Variants in CADPS observed in about 807,000 individuals in gnomAD.
CADPS encodes the protein calcium dependent secretion activator.
A neutral mutation model predicts 167.3 loss-of-function variants in CADPS; 57 were observed. That is an observed-to-expected ratio of 0.34 (90% CI 0.28 to 0.42). CADPS has a LOEUF of 0.42. Ranked by LOEUF, CADPS falls within the 20% of genes least tolerant of loss-of-function variation. CADPS has a pLI of 1.00. For synonymous variants in CADPS, 676 were observed against 635.3 expected (o/e 1.06, Z -0.96); for missense variants, 1,414 against 1,738.1 (o/e 0.81, Z 3.32).
chr3:62,687,903 T>C (rs760765449), intron 3 of CADPS, among the ~76,000 whole-genome samples: 17 of 151,898 alleles, frequency 1.1e-4, no homozygotes, highest in Middle Eastern at 3.2e-3. Flanking sequence ...CACTAACCCA[T>C]TTTACAGCTG....
At chr3:62,647,222 C>T (rs74598652) in intron 5 of CADPS, among the ~76,000 whole-genome samples, 106 of 152,134 alleles carry the variant, frequency 7.0e-4, no homozygotes, top group African/African-American at 2.5e-3. Flanking sequence ...AATGTGAGTG[C>T]GCAAAAAATG....
chr3:62,469,299 C>A (rs565640513), intron 24 of CADPS, among the ~76,000 whole-genome samples: 3 of 152,298 alleles, frequency 2.0e-5, no homozygotes, highest in Admixed American at 6.5e-5. Flanking sequence ...ATAGTGAGTA[C>A]TCTGCTTTCA....
At chr3:62,835,368 T>C (rs1041378574) in intron 1 of CADPS, among the ~76,000 whole-genome samples, 9 of 152,190 alleles carry the variant, frequency 5.9e-5, no homozygotes, top group Non-Finnish European at 1.0e-4. Flanking sequence ...AGTCAAATTA[T>C]CAAAAAACCT....
intron 29 of CADPS, among the ~76,000 whole-genome samples, chr3:62,402,772 A>C (rs1387982828): frequency 6.6e-6 from 1 of 152,280 alleles, no homozygotes; most frequent in Non-Finnish European, 1.5e-5. Flanking sequence ...TAACATAATG[A>C]CACCAAAAGC....
intron 2 of CADPS, among the ~76,000 whole-genome samples, chr3:62,760,888 C>T (rs1159355233): frequency 6.6e-6 from 1 of 152,166 alleles, no homozygotes; most frequent in Non-Finnish European, 1.5e-5. Flanking sequence ...GATAATAGTA[C>T]CTCAGTCTTT....
chr3:62,793,194 G>A (rs1180771992), intron 1 of CADPS, among the ~76,000 whole-genome samples: 1 of 152,162 alleles, frequency 6.6e-6, no homozygotes, highest in Non-Finnish European at 1.5e-5. Context: ...TGAATGCCAA[G>A]TGACAACAAG....
chr3:62,744,535 G>A (rs1205828503), intron 3 of CADPS, among the ~76,000 whole-genome samples: 2 of 152,166 alleles, frequency 1.3e-5, no homozygotes, highest in African/African-American at 2.4e-5. Flanking sequence ...CTGGTGAAAC[G>A]TGTTCAAAGG....
At chr3:62,862,557 A>G (rs1191084493) in intron 1 of CADPS, among the ~76,000 whole-genome samples, 1 of 152,138 alleles carries the variant, frequency 6.6e-6, no homozygotes, top group Non-Finnish European at 1.5e-5. Flanking sequence ...GATTCCTGAG[A>G]AATCATAGTC....
chr3:62,619,834 T>C lies in CADPS; in HGVS notation c.1325+25888A>G, dbSNP rs200063179. Among the ~76,000 whole-genome samples the C allele has an allele frequency of 2.0e-4, 31 of 152,292 alleles. 1 individual carries two copies. The East Asian group carries it at 3.7e-3, about 18-fold the overall frequency. ...TTCTGATATTATTCAATGTACTGTG[T>C]TTTCTTTCCTTTCCCCTAGTGACTG... is the stretch of plus-strand genomic sequence containing the variant. On this transcript the variant is annotated intron_variant, in intron 6 of 29. Coordinates refer to ENST00000383710, the MANE Select transcript of CADPS (RefSeq NM_003716.4).
At chr3:62,559,400 C>G (rs1416795261) in intron 9 of CADPS, among the ~76,000 whole-genome samples, 2 of 152,148 alleles carry the variant, frequency 1.3e-5, no homozygotes, top group Non-Finnish European at 2.9e-5. Flanking sequence ...AGTACCAGGC[C>G]TTTCCAACTT....
chr3:62,710,966 G>T (rs1470878304), intron 3 of CADPS, among the ~76,000 whole-genome samples: 1 of 152,010 alleles, frequency 6.6e-6, no homozygotes, highest in Non-Finnish European at 1.5e-5. Context: ...TGCTACCTTT[G>T]TGAGGTTTGT....
chr3:62,708,878 T>G (rs2082829431), intron 3 of CADPS, among the ~76,000 whole-genome samples: 1 of 151,884 alleles, frequency 6.6e-6, no homozygotes, highest in Non-Finnish European at 1.5e-5. Flanking sequence ...GCCTTGGGAC[T>G]GGAAGTCAAG....
intron 2 of CADPS, 53 bp downstream of exon 2, chr3:62,765,818 C>T: frequency 8.2e-7 from 1 of 1,223,062 alleles, no homozygotes; most frequent in Non-Finnish European, 1.2e-6. Flanking sequence ...GCTCAGACTC[C>T]CCAGGCATAG....
intron 9 of CADPS, among the ~76,000 whole-genome samples, chr3:62,562,483 T>C (rs2079351768): frequency 1.3e-5 from 2 of 152,206 alleles, no homozygotes; most frequent in South Asian, 4.1e-4. Context: ...GGGACATTTC[T>C]TTTTTTGATA....
At chr3:62,563,206 C>G (rs771126147) in intron 9 of CADPS, among the ~76,000 whole-genome samples, 1 of 151,948 alleles carries the variant, frequency 6.6e-6, no homozygotes, top group African/African-American at 2.4e-5. Context: ...TATCTGATAA[C>G]CAGAATATAA....
At chr3:62,690,075 A>G (rs555139651) in intron 3 of CADPS, among the ~76,000 whole-genome samples, 133 of 152,028 alleles carry the variant, frequency 8.7e-4, no homozygotes, top group Non-Finnish European at 1.7e-3. Context: ...TGTTTGGAGT[A>G]AAGGTGTGTT....
chr3:62,812,761 A>T (rs777082822), intron 1 of CADPS, among the ~76,000 whole-genome samples: 3 of 152,196 alleles, frequency 2.0e-5, no homozygotes, highest in Non-Finnish European at 4.4e-5. Context: ...AAGTGAGTGG[A>T]TTATGCATCT....
chr3:62,686,105 C>A (rs942599096), intron 3 of CADPS, among the ~76,000 whole-genome samples: 2 of 151,914 alleles, frequency 1.3e-5, no homozygotes, highest in Non-Finnish European at 2.9e-5. Flanking sequence ...TAAATATGTA[C>A]GATTATTATG....
intron 1 of CADPS, among the ~76,000 whole-genome samples, chr3:62,779,967 G>T (rs2091236229): frequency 6.6e-6 from 1 of 152,196 alleles, no homozygotes; most frequent in Admixed American, 6.5e-5. Context: ...TCTCATCATT[G>T]AGAGTATTTG....
Sources: gnomAD v4.1 joint callset for allele counts (sites outside exome capture counted in the v4.1 genomes callset) on GRCh38, gnomAD v4.1.1 for gene constraint, MANE v1.5 for transcripts, NCBI Gene and HGNC (gene_info 2026-07-23, HGNC 2026-07-21) for gene names.